FSD1L: variants seen among roughly 807,000 people sequenced by gnomAD.
FSD1L encodes fibronectin type III and SPRY domain containing 1 like, also known as FSD1-like protein.
FSD1L carries 45 observed loss-of-function variants against 71.6 expected under a neutral mutation model. The observed-to-expected ratio is 0.63, with a 90% CI of 0.49 to 0.81. The LOEUF is 0.81. Among genes scored for constraint, FSD1L ranks in the 30% least tolerant of loss-of-function variants. The pLI is 0.00. For missense variants in FSD1L, 561 were observed against 618.1 expected (o/e 0.91, Z 0.98); for synonymous variants, 197 against 207.2 (o/e 0.95, Z 0.42).
chr9:105,534,888 G>C (rs375828865), intron 11 of FSD1L, among the ~76,000 whole-genome samples, 179 bp from the exon 12 acceptor site: 3 of 152,188 alleles, frequency 2.0e-5, no homozygotes, highest in African/African-American at 7.2e-5. Flanking sequence ...AGTACTAAAC[G>C]TAAAGGTAAA....
intron 10 of FSD1L, among the ~76,000 whole-genome samples, chr9:105,533,084 T>C (rs969012335): frequency 2.6e-5 from 4 of 152,218 alleles, no homozygotes; most frequent in Non-Finnish European, 5.9e-5. Flanking sequence ...TTTCTAGTGC[T>C]ATGTTAGAAA....
In FSD1L at chr9:105,485,706, C is replaced by T. The variant is rs528670254; in HGVS notation, c.586+1204C>T. 1.5e-4 allele frequency among the ~76,000 whole-genome samples: 23 copies of T among 151,248 alleles called. No homozygotes were observed. In the East Asian group the frequency reaches 3.3e-3, roughly 22 times the overall value. On this transcript the variant is annotated intron_variant, in intron 7 of 13. Transcript: ENST00000481272. ...TCACCCAGGCTGGACTGCAGTGGCACGATCTCGGCTCACTGCAAGCTCTGC... is the reference window on the plus strand; with the variant it reads ...TCACCCAGGCTGGACTGCAGTGGCATGATCTCGGCTCACTGCAAGCTCTGC...
At chr9:105,474,539 T>C (rs1355334180) in intron 5 of FSD1L, among the ~76,000 whole-genome samples, 1 of 152,238 alleles carries the variant, frequency 6.6e-6, no homozygotes, top group Non-Finnish European at 1.5e-5. Flanking sequence ...ACTACAGGCC[T>C]GCCTCAAACA....
chr9:105,491,339 C>T (rs1166409677), intron 7 of FSD1L, among the ~76,000 whole-genome samples: 10 of 151,756 alleles, frequency 6.6e-5, no homozygotes, highest in East Asian at 5.8e-4. Flanking sequence ...GATTTTTGTA[C>T]ATTGATTTTG....
chr9:105,466,440 A>T (rs1298509084), intron 3 of FSD1L, among the ~76,000 whole-genome samples: 10 of 152,126 alleles, frequency 6.6e-5, no homozygotes, highest in Admixed American at 5.9e-4. Flanking sequence ...TTTAGCAAAA[A>T]CAACATTCAT....
At position 105,498,866 on chromosome 9, in the gene FSD1L, C is replaced by T. The variant is rs149153474; in HGVS notation, c.587-7533C>T. ...CTTGAACTCCTCATCTCAAGTGATCCGCCCCCCTCCCAAAGTGCAAAGATT... is the reference window on the plus strand; with the variant it reads ...CTTGAACTCCTCATCTCAAGTGATCTGCCCCCCTCCCAAAGTGCAAAGATT... On this transcript the variant is annotated intron_variant, in intron 7 of 13. Coordinates refer to ENST00000481272, the MANE Select transcript of FSD1L (RefSeq NM_001145313.3). 2.2e-3 allele frequency among the ~76,000 whole-genome samples: 341 copies of T among 152,184 alleles called. 2 individuals are homozygous for T. The highest frequency in any genetic ancestry group is 6.6e-3 in the African/African-American group (276 of 41,532).
At chr9:105,497,993 G>A (rs1185104646) in intron 7 of FSD1L, among the ~76,000 whole-genome samples, 2 of 151,890 alleles carry the variant, frequency 1.3e-5, no homozygotes, top group African/African-American at 2.4e-5. Flanking sequence ...ACAGGCATGT[G>A]CTACCATGCC....
intron 7 of FSD1L, among the ~76,000 whole-genome samples, chr9:105,497,606 G>T (rs981376588): frequency 6.6e-6 from 1 of 152,158 alleles, no homozygotes; most frequent in Non-Finnish European, 1.5e-5. Context: ...GTCTGTCATA[G>T]AATTGGTCCT....
rs566790561 is a variant in FSD1L at position 105,493,084 on chromosome 9, A to G, written c.586+8582A>G. Reference sequence around the variant, plus strand: ...AACTTTCTGTCTCGTTGATCTGTCTAATGTTGACAGTGGGGTTTTAAAGTC... The same window carrying G: ...AACTTTCTGTCTCGTTGATCTGTCTGATGTTGACAGTGGGGTTTTAAAGTC... On this transcript the variant is annotated intron_variant, in intron 7 of 13. Transcript: ENST00000481272. Among the ~76,000 whole-genome samples the G allele has an allele frequency of 3.9e-5, 6 of 152,244 alleles. No homozygotes were observed. In the East Asian group the frequency reaches 9.6e-4, roughly 24 times the overall value.
chr9:105,449,534 T>C (rs1829857331), intron 1 of FSD1L, among the ~76,000 whole-genome samples: 1 of 152,240 alleles, frequency 6.6e-6, no homozygotes, highest in African/African-American at 2.4e-5. Context: ...TGCTATTTAC[T>C]AGCTCTGTGA....
At chr9:105,543,478 C>T (rs12336250) in intron 13 of FSD1L, among the ~76,000 whole-genome samples, 19,309 of 152,056 alleles carry the variant, frequency 0.13, 1,598 homozygotes, top group East Asian at 0.46. Flanking sequence ...TACATGTGCA[C>T]AACGTGCAGG....
At chr9:105,526,253 A>G (rs1298748722) in intron 10 of FSD1L, 1 of 1,601,690 alleles carries the variant, frequency 6.2e-7, no homozygotes, top group Non-Finnish European at 8.5e-7. Context: ...CGATACCTGC[A>G]AACAATTGTC....
chr9:105,484,073 T>G (rs1832378296), intron 6 of FSD1L, among the ~76,000 whole-genome samples: 1 of 152,140 alleles, frequency 6.6e-6, no homozygotes, highest in Non-Finnish European at 1.5e-5. Context: ...GAGGTTCAGA[T>G]GAATGTTGAG....
chr9:105,524,695 C>G, intron 10 of FSD1L: 1 of 1,613,984 alleles, frequency 6.2e-7, no homozygotes, highest in South Asian at 1.1e-5. Flanking sequence ...TCTCCTGACT[C>G]AGAACGATCT....
At chr9:105,510,792 A>C (rs908684394) in intron 9 of FSD1L, among the ~76,000 whole-genome samples, 7 of 152,146 alleles carry the variant, frequency 4.6e-5, no homozygotes. Context: ...TTATTCTCCA[A>C]CTTTAATTGA....
intron 5 of FSD1L, among the ~76,000 whole-genome samples, chr9:105,477,737 T>G (rs996536129): frequency 6.6e-6 from 1 of 152,218 alleles, no homozygotes; most frequent in Non-Finnish European, 1.5e-5. Flanking sequence ...TTAAATTAAC[T>G]TTTTAAACAT....
chr9:105,467,941 G>A (rs1831184786), intron 3 of FSD1L, among the ~76,000 whole-genome samples: 1 of 152,214 alleles, frequency 6.6e-6, no homozygotes. Flanking sequence ...GTAAAGTGAA[G>A]AGAGTATGGG....
chr9:105,466,531 A>T (rs1254942172), intron 3 of FSD1L, among the ~76,000 whole-genome samples: 2 of 152,098 alleles, frequency 1.3e-5, no homozygotes, highest in African/African-American at 4.8e-5. Context: ...CATCTCTACT[A>T]AAAATACAAG....
At chr9:105,524,029 C>G (rs1386962634) in intron 10 of FSD1L, 1 of 1,601,418 alleles carries the variant, frequency 6.2e-7, no homozygotes, top group Non-Finnish European at 8.5e-7. Context: ...CCCAACATTC[C>G]TGATGTTGCT....
Sources: gnomAD v4.1 joint callset for allele counts (sites outside exome capture counted in the v4.1 genomes callset) on GRCh38, gnomAD v4.1.1 for gene constraint, MANE v1.5 for transcripts, NCBI Gene and HGNC (gene_info 2026-07-23, HGNC 2026-07-21) for gene names.